Variants in RNF43 observed in about 807,000 individuals in gnomAD.
The protein encoded by RNF43 is ring finger protein 43.
In RNF43, 37 loss-of-function variants were observed where a neutral mutation model predicts 78.4. The observed-to-expected ratio is 0.47, with a 90% confidence interval of 0.36 to 0.62. RNF43 has a LOEUF of 0.62. Ranked by LOEUF, RNF43 falls within the 20% of genes least tolerant of loss-of-function variation. The pLI is 0.00. For synonymous variants in RNF43, 347 were observed against 395.0 expected (o/e 0.88, Z 1.44); for missense variants, 774 against 1,007.9 (o/e 0.77, Z 3.14).
At chr17:58,376,540 A>G (rs1304482631) in intron 2 of RNF43, among the ~76,000 whole-genome samples, 1 of 152,228 alleles carries the variant, frequency 6.6e-6, no homozygotes, top group Non-Finnish European at 1.5e-5. Flanking sequence ...GACTCAGTTC[A>G]GCACCTAGCA....
At chr17:58,373,205 A>C (rs1973137449) in intron 2 of RNF43, among the ~76,000 whole-genome samples, 1 of 152,148 alleles carries the variant, frequency 6.6e-6, no homozygotes, top group Non-Finnish European at 1.5e-5. Flanking sequence ...CCGCTCACTG[A>C]CCAGAGGGTC....
chr17:58,384,640 T>C (rs1973393557), intron 2 of RNF43, among the ~76,000 whole-genome samples: 1 of 152,194 alleles, frequency 6.6e-6, no homozygotes, highest in African/African-American at 2.4e-5. Context: ...ATATTGGGCT[T>C]GTGACCTGGC....
At chr17:58,406,768 T>C (rs1973916911) in intron 2 of RNF43, among the ~76,000 whole-genome samples, 1 of 151,184 alleles carries the variant, frequency 6.6e-6, no homozygotes, top group African/African-American at 2.4e-5. Flanking sequence ...TTTTTTTTTT[T>C]TAAAATAGCA....
At chr17:58,368,015 G>C (rs1246617840) in intron 3 of RNF43, among the ~76,000 whole-genome samples, 1 of 152,186 alleles carries the variant, frequency 6.6e-6, no homozygotes, top group Non-Finnish European at 1.5e-5. Context: ...ATAGAGGCTG[G>C]CTTAGAGAGG....
intron 3 of RNF43, among the ~76,000 whole-genome samples, chr17:58,367,646 C>T (rs1440041616): frequency 6.6e-6 from 1 of 152,172 alleles, no homozygotes; most frequent in Non-Finnish European, 1.5e-5. Flanking sequence ...TCTGGCTTAT[C>T]ACCAGGATGG....
In RNF43 at chr17:58,360,803, C is replaced by T. The variant is rs1425484346; in HGVS notation, c.829G>A (p.Glu277Lys). 1 of 1,612,572 alleles carries T rather than the reference C, an allele frequency of 6.2e-7. No homozygotes were observed. Among genetic ancestry groups the T allele is most frequent in the Non-Finnish European group, 8.5e-7 (1 of 1,179,398 alleles). Reference sequence around the variant, plus strand: ...CTTACCTGCCCCTCAGAGAACTCCTCCAGACAGATGGCACACACAGGGGCT... The same window carrying T: ...CTTACCTGCCCCTCAGAGAACTCCTTCAGACAGATGGCACACACAGGGGCT... ...SSAPVCAICL[E>K]EFSEGQELRV... is the part of the protein sequence containing the mutation. Residue 277 changes from glutamate (E) to lysine (K), a missense_variant, in exon 7 of 10, where the codon GAG becomes AAG. Transcript: ENST00000407977. This position sits in a 1 kb window ranked among gnomAD's most constrained non-coding sequence, Gnocchi z 4.3.
chr17:58,369,939 G>A (rs1394496117), intron 3 of RNF43, among the ~76,000 whole-genome samples: 1 of 152,072 alleles, frequency 6.6e-6, no homozygotes, highest in Admixed American at 6.5e-5. Flanking sequence ...GGTCAGGGTG[G>A]AGCATAGCAA....
Position 58,415,368 on chromosome 17 carries a change from A to G in RNF43, c.210T>C (p.Ala70=), listed in dbSNP as rs1424078374. ...KLNLTLEGVF[A]GVAEITPAEG... ...CTGCTGGAGTTATTTCAGCAACACC[A>G]GCAAACACACCTTCCAAAGTGAGAT... Residue 70 remains alanine (A), a synonymous_variant, in exon 2 of 10, where the codon GCT becomes GCC. Transcript: ENST00000407977. 1 of 1,614,250 alleles carries G rather than the reference A, an allele frequency of 6.2e-7. No individual in the cohort carries two copies. Among genetic ancestry groups the G allele is most frequent in the African/African-American group, 1.3e-5 (1 of 75,074 alleles).
intron 2 of RNF43, among the ~76,000 whole-genome samples, chr17:58,386,246 T>G (rs1973432045): frequency 6.6e-6 from 1 of 151,974 alleles, no homozygotes; most frequent in South Asian, 2.1e-4. Context: ...GCCAATATGG[T>G]GAAACCCTGT....
intron 2 of RNF43, among the ~76,000 whole-genome samples, chr17:58,404,645 C>A (rs963759475): frequency 1.3e-5 from 2 of 152,160 alleles, no homozygotes; most frequent in African/African-American, 2.4e-5. Context: ...AGGAATAACA[C>A]ACATTTATGA....
intron 2 of RNF43, among the ~76,000 whole-genome samples, chr17:58,376,703 A>C (rs1340866342): frequency 6.6e-6 from 1 of 152,182 alleles, no homozygotes; most frequent in Non-Finnish European, 1.5e-5. Context: ...ATGAAGATGC[A>C]AACACGATTT....
At chr17:58,362,106 CAA>C (rs760631552) in intron 6 of RNF43, among the ~76,000 whole-genome samples, 2 of 148,388 alleles carry the variant, frequency 1.3e-5, no homozygotes, top group African/African-American at 4.9e-5. Context: ...AACAAACAAA[CAA>C]ACAAAAAAAA....
chr17:58,373,895 G>T (rs1440592050), intron 2 of RNF43, among the ~76,000 whole-genome samples: 2 of 152,168 alleles, frequency 1.3e-5, no homozygotes, highest in Non-Finnish European at 2.9e-5. Flanking sequence ...ACTCAACTCT[G>T]CCTGACTCCA....
chr17:58,360,861 A>G lies in RNF43; in HGVS notation c.771T>C (p.Gly257=), dbSNP rs752467879. The G allele has an allele frequency of 9.9e-6, 16 of 1,612,126 alleles. No homozygotes were observed. The Admixed American group carries it at 2.7e-4, about 27-fold the overall frequency. ...AGCTGCTCCCTGAGTCTGGCCACTC[A>G]CCCCGGGCCTGCCTGCAGCTGGCCT... ...RYQASCRQAR[G]EWPDSGSSCS... Residue 257 remains glycine (G), a synonymous_variant, in exon 7 of 10, where the codon GGT becomes GGC. Transcript: ENST00000407977. This position sits in a 1 kb window ranked among gnomAD's most constrained non-coding sequence, Gnocchi z 4.3.
chr17:58,411,660 T>A (rs754528646), intron 2 of RNF43, among the ~76,000 whole-genome samples: 27 of 151,956 alleles, frequency 1.8e-4, no homozygotes, highest in Non-Finnish European at 3.1e-4. Context: ...GCAGGAAGAG[T>A]GTGATAGAGA....
rs190045735 is a variant in RNF43, at chr17:58,389,623, T to C, written c.253-18590A>G. Among the ~76,000 whole-genome samples the C allele has an allele frequency of 3.2e-4, 48 of 152,330 alleles. 1 individual carries two copies. The East Asian group carries it at 6.2e-3, about 20-fold the overall frequency. The stretch of plus-strand genomic sequence containing the variant: ...GTCATTTCCCAAAAGATAGACTCCA[T>C]GTTCAGGTAGAAGAACAGGGGCTTC... On this transcript the variant is annotated intron_variant, in intron 2 of 9. Transcript: ENST00000407977.
At chr17:58,406,740 G>T (rs796118701) in intron 2 of RNF43, among the ~76,000 whole-genome samples, 2 of 150,306 alleles carry the variant, frequency 1.3e-5, no homozygotes, top group Non-Finnish European at 3.0e-5. Flanking sequence ...GGGAAAAAAC[G>T]AATGGAAATC....
chr17:58,397,333 A>G (rs755682738), intron 2 of RNF43, among the ~76,000 whole-genome samples: 2 of 152,214 alleles, frequency 1.3e-5, no homozygotes, highest in Non-Finnish European at 2.9e-5. Flanking sequence ...CCAATTATGG[A>G]ACAGAATATT....
intron 2 of RNF43, among the ~76,000 whole-genome samples, chr17:58,378,187 A>G (rs1431247275): frequency 1.3e-5 from 2 of 152,226 alleles, no homozygotes; most frequent in Admixed American, 6.5e-5. Flanking sequence ...CTCTGAGATG[A>G]CTGAGTTTCC....
Sources: gnomAD v4.1 joint callset for allele counts (sites outside exome capture counted in the v4.1 genomes callset) on GRCh38, gnomAD v4.1.1 for gene constraint, Gnocchi (gnomAD v3.1) non-coding constraint, MANE v1.5 for transcripts, NCBI Gene and HGNC (gene_info 2026-07-23, HGNC 2026-07-21) for gene names.